Variants in PTPRM observed in about 807,000 individuals in gnomAD.
PTPRM encodes the protein receptor-type tyrosine-protein phosphatase mu.
In PTPRM, 47 loss-of-function variants were observed where a neutral mutation model predicts 186.7. The ratio of observed to expected loss-of-function variants is 0.25; its 90% CI spans 0.20 to 0.32. The LOEUF is 0.32. Among genes scored for constraint, PTPRM ranks in the 10% least tolerant of loss-of-function variants. The pLI, the probability that PTPRM is intolerant of heterozygous loss-of-function variation, is 1.00. For synonymous variants in PTPRM, 668 were observed against 674.9 expected (o/e 0.99, Z 0.16); for missense variants, 1,494 against 1,865.0 (o/e 0.80, Z 3.66).
intron 9 of PTPRM, 69 bp from the exon 10 acceptor site, chr18:8,085,602 T>A (rs1016907229): frequency 5.9e-6 from 8 of 1,355,152 alleles, no homozygotes; most frequent in Admixed American, 5.1e-5. Flanking sequence ...TCAGAAGGGT[T>A]TATTGGATAA....
intron 31 of PTPRM, among the ~76,000 whole-genome samples, chr18:8,391,589 A>C (rs187275093): frequency 6.6e-6 from 1 of 152,296 alleles, no homozygotes; most frequent in African/African-American, 2.4e-5. Flanking sequence ...GGTGATACTG[A>C]TGGTATTGTT....
chr18:7,770,881 TGG>T (rs2042241029), intron 1 of PTPRM, among the ~76,000 whole-genome samples: 1 of 152,216 alleles, frequency 6.6e-6, no homozygotes, highest in African/African-American at 2.4e-5. Flanking sequence ...ATCTGAAAAT[TGG>T]TGTGCAGGGA....
chr18:8,406,759 C>G lies in PTPRM; in HGVS notation c.*597C>G, dbSNP rs1266177321. On this transcript the variant is annotated 3_prime_UTR_variant, in exon 33 of 33. Transcript: ENST00000580170. ...TCAGTTCACAAAATGCAAAACTCAA[C>G]GATCAGATTCACGGACCCAGAGCTT... 6.6e-6 allele frequency: 1 copy of G among 152,204 alleles called. No individual in the cohort carries two copies. The highest frequency in any genetic ancestry group is 1.9e-4 in the East Asian group (1 of 5,198). The allele number at this position is 152,204 out of a possible 1,614,324, so 9.4% of individuals were successfully genotyped here. A position where few individuals can be genotyped will look rare whatever the true frequency, so the allele number is the denominator to read the frequency against.
intron 2 of PTPRM, among the ~76,000 whole-genome samples, chr18:7,877,661 A>G (rs1157736210): frequency 6.6e-6 from 1 of 152,188 alleles, no homozygotes; most frequent in Non-Finnish European, 1.5e-5. Flanking sequence ...AAGGACATAC[A>G]AGGTGTGACT....
At position 8,141,683 on chromosome 18, in the gene PTPRM, C is replaced by A. The variant is rs556011191; in HGVS notation, c.2168-1964C>A. On this transcript the variant is annotated intron_variant, in intron 13 of 32. Coordinates refer to ENST00000580170, the MANE Select transcript of PTPRM (RefSeq NM_001105244.2). ...CCAAGTGTTGCATTTAGTGACATAA[C>A]TTAGTTACAAAACATACCTTAACTC... 2.0e-5 allele frequency among the ~76,000 whole-genome samples: 3 copies of A among 152,242 alleles called. No homozygotes were observed. The East Asian group carries it at 5.8e-4, about 29-fold the overall frequency.
chr18:8,226,408 G>A (rs1311824071), intron 14 of PTPRM, among the ~76,000 whole-genome samples: 1 of 152,078 alleles, frequency 6.6e-6, no homozygotes, highest in Non-Finnish European at 1.5e-5. Context: ...AGTTCATCTT[G>A]AGATCTATAT....
In PTPRM at chr18:7,917,479, T is replaced by A. The variant is rs927203389; in HGVS notation, c.548-9089T>A. ...TGAACCTGGGAGGCGGAGGTTGCAG[T>A]GAGCCCAGCTCGCGCCACTGTACTC... On this transcript the variant is annotated intron_variant, in intron 4 of 32. Coordinates refer to ENST00000580170, the MANE Select transcript of PTPRM (RefSeq NM_001105244.2). Among the ~76,000 whole-genome samples the A allele has an allele frequency of 1.2e-4, 18 of 152,300 alleles. No homozygotes were observed. In the East Asian group the frequency reaches 2.7e-3, roughly 23 times the overall value.
intron 7 of PTPRM, among the ~76,000 whole-genome samples, chr18:7,964,941 G>A (rs2053924868): frequency 6.6e-6 from 1 of 151,836 alleles, no homozygotes; most frequent in African/African-American, 2.4e-5. Flanking sequence ...ACACTGTTAT[G>A]CTGTGGTTGT....
At chr18:8,065,261 T>C (rs2088970426) in intron 7 of PTPRM, among the ~76,000 whole-genome samples, 1 of 152,138 alleles carries the variant, frequency 6.6e-6, no homozygotes, top group African/African-American at 2.4e-5. Context: ...CCCTTGTTCA[T>C]AGAAAAATAG....
chr18:7,631,061 C>T (rs549590741), intron 1 of PTPRM, among the ~76,000 whole-genome samples: 1 of 152,218 alleles, frequency 6.6e-6, no homozygotes, highest in African/African-American at 2.4e-5. Context: ...AACATTTTCC[C>T]TCATCCTGAT....
chr18:8,345,554 G>T (rs943257516), intron 23 of PTPRM, among the ~76,000 whole-genome samples: 2 of 151,670 alleles, frequency 1.3e-5, no homozygotes, highest in Admixed American at 6.6e-5. Flanking sequence ...CTCGAATTCT[G>T]GTTAAAAATT....
intron 14 of PTPRM, among the ~76,000 whole-genome samples, chr18:8,214,529 A>G (rs1396028143): frequency 1.3e-5 from 2 of 152,062 alleles, no homozygotes; most frequent in East Asian, 1.9e-4. Context: ...ATAGTATTCT[A>G]TGTTTTCTTT....
intron 32 of PTPRM, among the ~76,000 whole-genome samples, chr18:8,396,611 C>T (rs1360889101): frequency 2.6e-5 from 4 of 152,140 alleles, no homozygotes; most frequent in African/African-American, 4.8e-5. Context: ...TCCCAGCCCA[C>T]GATTCTATCG....
At chr18:7,873,728 A>T (rs2048089538) in intron 2 of PTPRM, among the ~76,000 whole-genome samples, 2 of 152,178 alleles carry the variant, frequency 1.3e-5, no homozygotes. Context: ...CTTTTCTTTG[A>T]AGTAACAGGG....
chr18:7,820,157 T>G (rs1254684805), intron 2 of PTPRM, among the ~76,000 whole-genome samples: 2 of 149,400 alleles, frequency 1.3e-5, no homozygotes, highest in African/African-American at 2.5e-5. Flanking sequence ...CAGCTTCCAA[T>G]TAGCTATATC....
intron 7 of PTPRM, among the ~76,000 whole-genome samples, chr18:7,965,193 G>A (rs1005754159): frequency 7.2e-5 from 11 of 152,102 alleles, no homozygotes; most frequent in South Asian, 2.1e-4. Context: ...TTACAGGCAC[G>A]CGCCACCACG....
At chr18:7,817,578 A>G (rs2044907548) in intron 2 of PTPRM, among the ~76,000 whole-genome samples, 3 of 152,182 alleles carry the variant, frequency 2.0e-5, no homozygotes, top group African/African-American at 7.2e-5. Context: ...AGCTTTATGA[A>G]AGATTTTAAA....
At chr18:7,730,358 AG>A (rs1409496241) in intron 1 of PTPRM, among the ~76,000 whole-genome samples, 1 of 152,176 alleles carries the variant, frequency 6.6e-6, no homozygotes, top group Admixed American at 6.5e-5. Context: ...GTTACCCCTA[AG>A]GATGTCTTCC....
intron 9 of PTPRM, 49 bp downstream of exon 9, chr18:8,076,613 A>G (rs2089832575): frequency 4.1e-6 from 4 of 966,266 alleles, no homozygotes; most frequent in Non-Finnish European, 6.5e-6. Flanking sequence ...ACTCATGATC[A>G]TGATAATGTA....
Sources: allele counts gnomAD v4.1 joint callset (sites outside exome capture counted in the v4.1 genomes callset), GRCh38; gene constraint gnomAD v4.1.1; transcripts MANE v1.5; gene names NCBI Gene and HGNC (gene_info 2026-07-23, HGNC 2026-07-21).